The following NXN variants were observed in gnomAD, a reference collection of about 807,000 sequenced individuals.
NXN encodes the protein nucleoredoxin 1.
NXN carries 16 observed loss-of-function variants against 48.6 expected under a neutral mutation model. The ratio of observed to expected loss-of-function variants is 0.33; its 90% CI spans 0.22 to 0.50. NXN has a LOEUF of 0.50. Ranked by LOEUF, NXN falls within the 20% of genes least tolerant of loss-of-function variation. NXN has a pLI of 0.98. For missense variants in NXN, 492 were observed against 605.5 expected, an observed-to-expected ratio of 0.81 and a Z score of 1.97; for synonymous variants, 281 against 269.6, an observed-to-expected ratio of 1.04 and a Z score of -0.41.
At chr17:890,110 G>A (rs999502344) in intron 1 of NXN, among the ~76,000 whole-genome samples, 2 of 152,010 alleles carry the variant, frequency 1.3e-5, no homozygotes, top group East Asian at 1.9e-4. Flanking sequence ...CAAGCATGCC[G>A]GCGTGAACTC....
In NXN at chr17:823,721, C is replaced by T; in HGVS notation, c.523G>A (p.Ala175Thr). The T allele has an allele frequency of 6.2e-7, 1 of 1,614,202 alleles. No homozygotes were observed. The highest frequency in any genetic ancestry group is 1.1e-5 in the South Asian group (1 of 91,084). ...WGPKPFREVI[A>T]GPLLRNNGQS... ...CCATTGTTTCTAAGCAAGGGCCCTG[C>T]AATGACTTCCCTGAAGGGTTTCGGT... The change falls in exon 3 of 8, where the codon GCA (alanine) becomes ACA (threonine). Residue 175 changes from alanine to threonine, a missense_variant. Ala to Thr is a moderately conservative substitution (Grantham distance 58). Coordinates refer to ENST00000336868, the MANE Select transcript of NXN (RefSeq NM_022463.5).
intron 1 of NXN, among the ~76,000 whole-genome samples, chr17:938,910 G>C (rs1317470562): frequency 1.3e-5 from 2 of 151,890 alleles, no homozygotes; most frequent in Non-Finnish European, 2.9e-5. Flanking sequence ...AAATTAGCTG[G>C]GTGTGGTGGC....
intron 4 of NXN, among the ~76,000 whole-genome samples, chr17:820,149 C>T (rs533771439): frequency 6.6e-6 from 1 of 152,252 alleles, no homozygotes; most frequent in Admixed American, 6.5e-5. Context: ...ATGGTGGTTA[C>T]GTGGTACGTA....
chr17:806,938 A>ACG (rs201011388), intron 5 of NXN, among the ~76,000 whole-genome samples: 9 of 151,332 alleles, frequency 5.9e-5, no homozygotes, highest in Non-Finnish European at 8.8e-5. Context: ...ACACACACAC[A>ACG]CACACACACG....
intron 1 of NXN, among the ~76,000 whole-genome samples, chr17:827,035 C>T (rs949435758): frequency 2.6e-5 from 4 of 152,192 alleles, no homozygotes; most frequent in African/African-American, 7.2e-5. Context: ...CGAACCTCCC[C>T]GCCAAGCCCA....
chr17:825,137 G>A lies in NXN; in HGVS notation c.478+824C>T, dbSNP rs1913027844. On this transcript the variant is annotated intron_variant, in intron 2 of 7. Transcript: ENST00000336868. The surrounding 1 kb of genome is among the most constrained non-coding windows in gnomAD (Gnocchi z 4.1). ...TCCCAGCTACACGGGAGGATGAGTT[G>A]AGCTCAGGAGGTCGAGGCTGCAGTG... Among the ~76,000 whole-genome samples the A allele has an allele frequency of 6.6e-6, 1 of 151,572 alleles. No individual in the cohort carries two copies. The highest frequency in any genetic ancestry group is 1.5e-5 in the Non-Finnish European group (1 of 67,946).
At chr17:915,340 C>G (rs940125428) in intron 1 of NXN, among the ~76,000 whole-genome samples, 1 of 152,094 alleles carries the variant, frequency 6.6e-6, no homozygotes, top group Non-Finnish European at 1.5e-5. Context: ...GTCGCCCAGG[C>G]TGGAGTCATC....
intron 1 of NXN, among the ~76,000 whole-genome samples, chr17:886,256 A>C (rs1278604095): frequency 6.6e-6 from 1 of 152,066 alleles, no homozygotes; most frequent in Non-Finnish European, 1.5e-5. Context: ...AATCTCTCCA[A>C]CATTATTCTT....
intron 1 of NXN, among the ~76,000 whole-genome samples, chr17:976,635 C>G (rs1203998772): frequency 2.6e-5 from 4 of 152,182 alleles, no homozygotes; most frequent in African/African-American, 9.7e-5. Context: ...CGGCTCTTCA[C>G]TTGTTCTGAT....
At position 822,956 on chromosome 17, in the gene NXN, C is replaced by T. The variant is rs181591626; in HGVS notation, c.613-499G>A. Among the ~76,000 whole-genome samples, 586 of 152,032 alleles carry T rather than the reference C, an allele frequency of 3.9e-3. 2 individuals carry two copies. The highest frequency in any genetic ancestry group is 6.7e-3 in the Non-Finnish European group (457 of 67,984). On this transcript the variant is annotated intron_variant, in intron 3 of 7. Transcript: ENST00000336868. ...CTCTACTAAAAATACAAAAATTAGC[C>T]GGGTTTGGTAGTGTGCGCCTGGAGC...
At chr17:938,889 G>A (rs902914455) in intron 1 of NXN, among the ~76,000 whole-genome samples, 7 of 151,754 alleles carry the variant, frequency 4.6e-5, no homozygotes, top group African/African-American at 1.7e-4. Flanking sequence ...GCAAAACCCC[G>A]TCTCTACTAA....
In NXN at chr17:827,473, A is replaced by G. The variant is rs528544291; in HGVS notation, c.361-1395T>C. 1.4e-4 allele frequency among the ~76,000 whole-genome samples: 22 copies of G among 152,218 alleles called. No homozygotes were observed. In the East Asian group the frequency reaches 4.3e-3, roughly 30 times the overall value. On this transcript the variant is annotated intron_variant, in intron 1 of 7. Transcript: ENST00000336868. Reference sequence around the variant, plus strand: ...CCTTCTCTACTAAAAATTACAAAAAATTAGCCGGGCGTGGTGGCGGGCGCC... The same window carrying G: ...CCTTCTCTACTAAAAATTACAAAAAGTTAGCCGGGCGTGGTGGCGGGCGCC...
In NXN at chr17:979,549, C is replaced by A; in HGVS notation, c.130G>T (p.Ala44Ser). 3 of 1,360,684 alleles carry A rather than the reference C, an allele frequency of 2.2e-6. No individual in the cohort carries two copies. The highest frequency in any genetic ancestry group is 3.1e-5 in the East Asian group (1 of 31,914). The allele number at this position is 1,360,684 out of a possible 1,614,324, so 84.3% of individuals were successfully genotyped here. ...LGLYFGCSLS[A>S]PCAQLSASLA... ...CTGGCGCTGAGCTGCGCGCAGGGGG[C>A]GCTGAGGCTGCAGCCGAAGTAGAGA... Residue 44 changes from alanine to serine, a missense_variant, in exon 1 of 8, where the codon GCC becomes TCC. Ala to Ser is a moderately conservative substitution (Grantham distance 99). Around this residue, in one of 3 missense-constraint regions of NXN, gnomAD observed 186 missense variants for 199.1 expected, o/e 0.93. Coordinates refer to ENST00000336868, the MANE Select transcript of NXN (RefSeq NM_022463.5).
intron 1 of NXN, among the ~76,000 whole-genome samples, chr17:843,842 A>C (rs2067828713): frequency 6.6e-6 from 1 of 152,198 alleles, no homozygotes; most frequent in African/African-American, 2.4e-5. Context: ...GGTTCGACCC[A>C]GAATGTTAAG....
chr17:884,665 C>T (rs1439768763), intron 1 of NXN, among the ~76,000 whole-genome samples: 2 of 152,174 alleles, frequency 1.3e-5, no homozygotes, highest in Non-Finnish European at 2.9e-5. Context: ...AGAACACCTT[C>T]TGGACCCTGG....
intron 5 of NXN, among the ~76,000 whole-genome samples, chr17:809,413 G>A (rs192772069): frequency 2.0e-4 from 30 of 152,344 alleles, no homozygotes; most frequent in Non-Finnish European, 3.4e-4. Flanking sequence ...CAGGTGCGCC[G>A]AGACTGTCCC....
intron 1 of NXN, among the ~76,000 whole-genome samples, chr17:912,532 T>A (rs918519775): frequency 6.6e-6 from 1 of 152,126 alleles, no homozygotes; most frequent in Non-Finnish European, 1.5e-5. Context: ...TAATCACATA[T>A]TTCAAAAGTT....
At position 886,869 on chromosome 17, in the gene NXN, T is replaced by C. The variant is rs369394050; in HGVS notation, c.361-60791A>G. Among the ~76,000 whole-genome samples the C allele has an allele frequency of 4.6e-5, 7 of 152,296 alleles. No individual in the cohort carries two copies. The East Asian group carries it at 1.3e-3, about 29-fold the overall frequency. On this transcript the variant is annotated intron_variant, in intron 1 of 7. Coordinates refer to ENST00000336868, the MANE Select transcript of NXN (RefSeq NM_022463.5). Reference sequence around the variant, plus strand: ...CAAAAAGAGGAAGGCTTTGATCTCATTCTATTGTTTATCCTAACATTTTTG... The same window carrying C: ...CAAAAAGAGGAAGGCTTTGATCTCACTCTATTGTTTATCCTAACATTTTTG...
intron 1 of NXN, among the ~76,000 whole-genome samples, chr17:966,791 G>T (rs934345150): frequency 1.4e-5 from 2 of 141,332 alleles, no homozygotes; most frequent in South Asian, 2.3e-4. Flanking sequence ...GCATTCAGGT[G>T]GGGGGATGAC....
Sources: gnomAD v4.1 joint callset for allele counts (sites outside exome capture counted in the v4.1 genomes callset) on GRCh38, gnomAD v4.1.1 for gene constraint, gnomAD v4.1.1 regional missense constraint, Gnocchi (gnomAD v3.1) non-coding constraint, MANE v1.5 for transcripts, NCBI Gene and HGNC (gene_info 2026-07-23, HGNC 2026-07-21) for gene names.